CA13: variants seen among roughly 807,000 people sequenced by gnomAD.
CA13 encodes the protein CA-XIII.
A neutral mutation model predicts 31.5 loss-of-function variants in CA13; 21 were observed. The observed-to-expected ratio is 0.67, with a 90% confidence interval of 0.47 to 0.96. The LOEUF is 0.96. Among genes scored for constraint, CA13 ranks in the 40% least tolerant of loss-of-function variants. The pLI, the probability that CA13 is intolerant of heterozygous loss-of-function variation, is 0.00. For missense variants in CA13, 315 were observed against 318.9 expected, an observed-to-expected ratio of 0.99 and a Z score of 0.09; for synonymous variants, 117 against 111.4, an observed-to-expected ratio of 1.05 and a Z score of -0.32.
Position 85,250,947 on chromosome 8 carries a change from T to A in CA13, c.235+10T>A. On this transcript the variant is annotated intron_variant, in intron 2 of 6. Coordinates refer to ENST00000321764, the MANE Select transcript of CA13 (RefSeq NM_198584.3). ...ACAGAGAACAAATCAGGTTGGCTTTTCTTTTTTTGTGTGTGTGGTGGTGGA... is the reference window on the plus strand; with the variant it reads ...ACAGAGAACAAATCAGGTTGGCTTTACTTTTTTTGTGTGTGTGGTGGTGGA... The A allele has an allele frequency of 1.2e-6, 2 of 1,610,706 alleles. No individual in the cohort carries two copies. Among genetic ancestry groups the A allele is most frequent in the Middle Eastern group, 1.7e-4 (1 of 6,058 alleles).
In CA13 at chr8:85,283,868, G is replaced by A. The variant is rs1269714520; in HGVS notation, c.*2519G>A. ...GCACTGATTTCCTTGAATATTGTGT[G>A]TTAATTGATATATCTTCTAGAGGCA... On this transcript the variant is annotated 3_prime_UTR_variant, in exon 7 of 7. Transcript: ENST00000321764. The A allele has an allele frequency of 6.6e-6, 1 of 152,246 alleles. No individual in the cohort carries two copies. The highest frequency in any genetic ancestry group is 1.5e-5 in the Non-Finnish European group (1 of 68,028). 9.4% of individuals were successfully genotyped at this position (152,246 alleles called of 1,614,324 possible). A position where few individuals can be genotyped will look rare whatever the true frequency, so the allele number is the denominator to read the frequency against.
intron 6 of CA13, among the ~76,000 whole-genome samples, chr8:85,277,738 C>T (rs1807634807): frequency 6.6e-6 from 1 of 151,920 alleles, no homozygotes; most frequent in South Asian, 2.1e-4. Flanking sequence ...CCTAAAATGG[C>T]ATCAGCCGGA....
chr8:85,263,891 TC>T (rs1206572643), intron 3 of CA13, among the ~76,000 whole-genome samples: 1 of 152,180 alleles, frequency 6.6e-6, no homozygotes, highest in African/African-American at 2.4e-5. Flanking sequence ...GCTCCGTGAT[TC>T]CAAGGAGTTG....
intron 6 of CA13, among the ~76,000 whole-genome samples, chr8:85,270,571 A>G (rs1340373676): frequency 6.6e-6 from 1 of 152,196 alleles, no homozygotes; most frequent in African/African-American, 2.4e-5. Flanking sequence ...GTCACATGCT[A>G]AATGGTTTAC....
chr8:85,276,331 G>A (rs1807607104), intron 6 of CA13, among the ~76,000 whole-genome samples: 1 of 152,208 alleles, frequency 6.6e-6, no homozygotes, highest in Non-Finnish European at 1.5e-5. Context: ...CTCCTGTGCG[G>A]CCCGAGCTTC....
intron 6 of CA13, among the ~76,000 whole-genome samples, chr8:85,269,874 T>A (rs1189730079): frequency 1.3e-5 from 2 of 152,052 alleles, no homozygotes; most frequent in Non-Finnish European, 2.9e-5. Context: ...ATGCCTGGCT[T>A]ATTTTTTTTT....
chr8:85,262,792 T>A (rs1308599585), intron 3 of CA13, among the ~76,000 whole-genome samples: 1 of 152,132 alleles, frequency 6.6e-6, no homozygotes, highest in African/African-American at 2.4e-5. Context: ...AGAGGCTGGC[T>A]GGCTGGCAGT....
At chr8:85,273,950 G>A (rs1319884251) in intron 6 of CA13, among the ~76,000 whole-genome samples, 1 of 151,968 alleles carries the variant, frequency 6.6e-6, no homozygotes, top group Non-Finnish European at 1.5e-5. Context: ...TAAACAAGAA[G>A]TGTCTCAGTC....
chr8:85,250,715 T>C (rs1189379539), intron 1 of CA13, 25 bp from the exon 2 acceptor site: 1 of 1,470,510 alleles, frequency 6.8e-7, no homozygotes, highest in East Asian at 2.3e-5. Context: ...ATTTAATCCT[T>C]TTCTTTTGGT....
In CA13 at chr8:85,245,719, C is replaced by G; in HGVS notation, c.-110C>G. The stretch of plus-strand genomic sequence containing the variant: ...GGTTCACGGTCTCGCACTCCTGCCG[C>G]CGGCGCCCCGCGGTCCCGCCCTAGC... On this transcript the variant is annotated 5_prime_UTR_variant, in exon 1 of 7. Coordinates refer to ENST00000321764, the MANE Select transcript of CA13 (RefSeq NM_198584.3). 7.7e-7 allele frequency: 1 copy of G among 1,291,360 alleles called. No homozygotes were observed. The allele number at this position is 1,291,360 out of a possible 1,614,324, so 80.0% of individuals were successfully genotyped here. A position where few individuals can be genotyped will look rare whatever the true frequency, so the allele number is the denominator to read the frequency against.
At chr8:85,255,625 G>A (rs1185836876) in intron 2 of CA13, among the ~76,000 whole-genome samples, 4 of 152,050 alleles carry the variant, frequency 2.6e-5, no homozygotes, top group Admixed American at 1.3e-4. Context: ...TAATCCACCC[G>A]CCTTGGCCTC....
chr8:85,264,275 A>G (rs1807425996), intron 3 of CA13, among the ~76,000 whole-genome samples: 1 of 152,226 alleles, frequency 6.6e-6, no homozygotes, highest in Non-Finnish European at 1.5e-5. Flanking sequence ...TATATTTTGC[A>G]TACCACTAAT....
Position 85,267,898 on chromosome 8 carries a change from TTA to T in CA13, c.451-3_451-2del, listed in dbSNP as rs1807478357. On this transcript the variant is annotated splice_acceptor_variant and splice_polypyrimidine_tract_variant and intron_variant, in intron 4 of 6. Transcript: ENST00000321764. LOFTEE classifies it high-confidence loss of function. Reference sequence around the variant, plus strand: ...CCATTTCTTTTGAAATTTCATGTTTTTAGATTGGTGAACCTAATTCCCAACTG... The same window carrying T: ...CCATTTCTTTTGAAATTTCATGTTTTGATTGGTGAACCTAATTCCCAACTG... 2.5e-6 allele frequency: 4 copies of T among 1,581,858 alleles called. No homozygotes were observed. The highest frequency in any genetic ancestry group is 3.5e-6 in the Non-Finnish European group (4 of 1,154,462).
At chr8:85,280,215 G>T (rs942542335) in intron 6 of CA13, among the ~76,000 whole-genome samples, 1 of 152,204 alleles carries the variant, frequency 6.6e-6, no homozygotes, top group Admixed American at 6.5e-5. Context: ...GGGAGGTGGA[G>T]GTTGCAGTGA....
At chr8:85,277,473 G>A (rs1355437702) in intron 6 of CA13, among the ~76,000 whole-genome samples, 3 of 152,110 alleles carry the variant, frequency 2.0e-5, no homozygotes, top group South Asian at 2.1e-4. Context: ...GACATGCTGC[G>A]TTTAAGTACT....
At chr8:85,259,069 C>T (rs1323211188) in intron 2 of CA13, among the ~76,000 whole-genome samples, 1 of 152,188 alleles carries the variant, frequency 6.6e-6, no homozygotes, top group Non-Finnish European at 1.5e-5. Context: ...CTGGACCTGT[C>T]TGCATGTCAC....
intron 6 of CA13, among the ~76,000 whole-genome samples, chr8:85,274,725 A>T (rs1564004950): frequency 6.6e-6 from 1 of 152,150 alleles, no homozygotes; most frequent in African/African-American, 2.4e-5. Flanking sequence ...AACAGCTGGT[A>T]GTCTAATTGT....
intron 2 of CA13, 99 bp downstream of exon 2, chr8:85,251,036 T>G (rs1813819154): frequency 1.9e-6 from 2 of 1,031,730 alleles, no homozygotes; most frequent in Non-Finnish European, 2.9e-6. Context: ...AGAGTCTCGC[T>G]CTGTCGCCAG....
At chr8:85,270,430 A>C (rs1807513998) in intron 6 of CA13, among the ~76,000 whole-genome samples, 1 of 152,232 alleles carries the variant, frequency 6.6e-6, no homozygotes, top group African/African-American at 2.4e-5. Flanking sequence ...AACATTTTAC[A>C]AAGGTCTATG....
Sources: allele counts gnomAD v4.1 joint callset (sites outside exome capture counted in the v4.1 genomes callset), GRCh38; gene constraint gnomAD v4.1.1; transcripts MANE v1.5; gene names NCBI Gene and HGNC (gene_info 2026-07-23, HGNC 2026-07-21).